Variants in OSBPL10 observed in about 807,000 individuals in gnomAD.
OSBPL10 encodes oxysterol binding protein like 10.
A neutral mutation model predicts 81.7 loss-of-function variants in OSBPL10; 49 were observed. That is an observed-to-expected ratio of 0.60 (90% CI 0.48 to 0.76). The LOEUF (loss-of-function observed/expected upper bound fraction) is 0.76, where lower values mean the gene tolerates loss of function less well. Ranked by LOEUF, OSBPL10 falls within the 30% of genes least tolerant of loss-of-function variation. OSBPL10 has a pLI of 0.00. For missense variants in OSBPL10, 923 were observed against 987.8 expected, an observed-to-expected ratio of 0.93 and a Z score of 0.88; for synonymous variants, 419 against 383.6, an observed-to-expected ratio of 1.09 and a Z score of -1.08.
At chr3:31,662,224 C>A in intron 11 of OSBPL10, 108 bp from the exon 12 acceptor site, 1 of 1,566,296 alleles carries the variant, frequency 6.4e-7, no homozygotes, top group South Asian at 1.2e-5. Context: ...CTTAATACCT[C>A]ACACGCAGGC....
chr3:31,823,868 G>T (rs980919300), intron 4 of OSBPL10, among the ~76,000 whole-genome samples: 8 of 151,780 alleles, frequency 5.3e-5, no homozygotes, highest in African/African-American at 1.7e-4. Context: ...GTGTGTGTGT[G>T]TGAAATGGAG....
intron 2 of OSBPL10, among the ~76,000 whole-genome samples, chr3:32,022,649 G>A (rs1425617530): frequency 1.3e-5 from 2 of 152,002 alleles, no homozygotes; most frequent in Non-Finnish European, 2.9e-5. Flanking sequence ...GTTAGGCATG[G>A]TGGCTGGCAC....
At chr3:31,914,401 A>C (rs1030751304) in intron 1 of OSBPL10, among the ~76,000 whole-genome samples, 1 of 152,124 alleles carries the variant, frequency 6.6e-6, no homozygotes, top group Non-Finnish European at 1.5e-5. Flanking sequence ...GACTTATCAG[A>C]GTCTGTAAAT....
Position 31,690,907 on chromosome 3 carries a change from G to A in OSBPL10, c.1246-6793C>T, listed in dbSNP as rs140510210. Among the ~76,000 whole-genome samples the A allele has an allele frequency of 8.0e-3, 867 of 108,530 alleles. 6 individuals carry two copies. Among genetic ancestry groups the A allele is most frequent in the Non-Finnish European group, 8.9e-3 (447 of 50,124 alleles). 71.2% of individuals were successfully genotyped at this position (108,530 alleles called of 152,430 possible). ...ATTTCTTCCTCTCCTACAATCTCCT[G>A]GGCACCCTCTCCTTTTTTTTTTTTG... On this transcript the variant is annotated intron_variant, in intron 7 of 11. Transcript: ENST00000396556.
chr3:31,870,874 T>C (rs892557937), intron 3 of OSBPL10, among the ~76,000 whole-genome samples: 1 of 152,102 alleles, frequency 6.6e-6, no homozygotes, highest in Non-Finnish European at 1.5e-5. Context: ...GGTTTGTGAG[T>C]ACACCAATCG....
At chr3:31,943,101 C>A (rs967435566) in intron 1 of OSBPL10, among the ~76,000 whole-genome samples, 5 of 152,168 alleles carry the variant, frequency 3.3e-5, no homozygotes, top group African/African-American at 1.2e-4. Flanking sequence ...GGGAAGCATA[C>A]AATATTTGTC....
chr3:31,761,821 A>ACAAAAAAAAC (rs1698052171), intron 4 of OSBPL10, among the ~76,000 whole-genome samples: 1 of 138,024 alleles, frequency 7.2e-6, no homozygotes, highest in Non-Finnish European at 1.5e-5. Flanking sequence ...TCTAAAAAAA[A>ACAAAAAAAAC]AAAAAAAAAA....
At chr3:32,048,679 C>T (rs1370020251) in intron 1 of OSBPL10, among the ~76,000 whole-genome samples, 1 of 152,092 alleles carries the variant, frequency 6.6e-6, no homozygotes, top group East Asian at 1.9e-4. Context: ...CATCCAACTA[C>T]CAGCTGGTCA....
rs2125443129 is a variant in OSBPL10 at position 32,062,898 on chromosome 3, A to C, written n.185+14498T>G. Among the ~76,000 whole-genome samples the C allele has an allele frequency of 2.1e-5, 2 of 94,978 alleles. 1 individual carries two copies. Among genetic ancestry groups the C allele is most frequent in the South Asian group, 8.0e-4 (2 of 2,504 alleles). The allele number at this position is 94,978 out of a possible 152,430, so 62.3% of individuals were successfully genotyped here. On this transcript the variant is annotated intron_variant and non_coding_transcript_variant, in intron 1 of 3. Coordinates refer to the OSBPL10 transcript ENST00000479173. ...TGTTTCAGAGGTACGCAAGATAATC[A>C]ATCCTTTAAAATAGAAAGTCTTCCT...
At chr3:32,055,833 A>G (rs908794138) in intron 1 of OSBPL10, among the ~76,000 whole-genome samples, 1 of 152,200 alleles carries the variant, frequency 6.6e-6, no homozygotes, top group Non-Finnish European at 1.5e-5. Context: ...GCCACTTCTG[A>G]CAGGCCCAGG....
At position 31,797,857 on chromosome 3, in the gene OSBPL10, TG is replaced by T. The variant is rs548715077; in HGVS notation, c.729+32182del. ...AAGCCTTCACCTATAAAAATGGGGA[TG>T]GGGGGGTGAATGTTAGATAAAATAG... On this transcript the variant is annotated intron_variant, in intron 4 of 11. Transcript: ENST00000396556. The T allele has an allele frequency of 2.3e-3, 1,025 of 453,232 alleles. 8 individuals carry two copies. The highest frequency in any genetic ancestry group is 0.018 in the African/African-American group (901 of 49,960). The allele number at this position is 453,232 out of a possible 1,614,324, so 28.1% of individuals were successfully genotyped here.
At chr3:32,026,059 A>G (rs370291067) in intron 2 of OSBPL10, among the ~76,000 whole-genome samples, 1 of 87,346 alleles carries the variant, frequency 1.1e-5, no homozygotes, top group Non-Finnish European at 2.6e-5. Flanking sequence ...TAGATAGATG[A>G]TAGATAGATA....
chr3:31,982,760 T>G (rs1279832547), upstream of OSBPL10, among the ~76,000 whole-genome samples: 1 of 152,234 alleles, frequency 6.6e-6, no homozygotes, highest in Non-Finnish European at 1.5e-5. Flanking sequence ...CTTAGTTTTC[T>G]CACTGCAAAA....
chr3:31,755,945 T>C (rs1188605182), intron 4 of OSBPL10, among the ~76,000 whole-genome samples: 1 of 152,220 alleles, frequency 6.6e-6, no homozygotes, highest in Non-Finnish European at 1.5e-5. Context: ...CTACAATCAT[T>C]GCCTTACCAC....
intron 4 of OSBPL10, among the ~76,000 whole-genome samples, chr3:31,760,642 G>A (rs1698006100): frequency 6.6e-6 from 1 of 152,114 alleles, no homozygotes; most frequent in Non-Finnish European, 1.5e-5. Context: ...TGAATCTAGG[G>A]ATGCAGAACC....
At chr3:31,801,193 TTTC>T (rs1699369633) in intron 4 of OSBPL10, among the ~76,000 whole-genome samples, 2 of 152,156 alleles carry the variant, frequency 1.3e-5, no homozygotes, top group South Asian at 4.1e-4. Flanking sequence ...ATAAAGACTC[TTTC>T]TTTAGGCAGA....
At chr3:31,682,252 C>G (rs1358250579) in intron 8 of OSBPL10, among the ~76,000 whole-genome samples, 2 of 152,210 alleles carry the variant, frequency 1.3e-5, no homozygotes, top group East Asian at 3.9e-4. Context: ...ACGGCTGGAG[C>G]AGTCTTGCTG....
At chr3:31,804,568 T>G (rs73059405) in intron 4 of OSBPL10, among the ~76,000 whole-genome samples, 23 of 152,322 alleles carry the variant, frequency 1.5e-4, no homozygotes, top group Non-Finnish European at 2.8e-4. Context: ...AAGCCCTTCA[T>G]TTTAACAACC....
intron 3 of OSBPL10, among the ~76,000 whole-genome samples, chr3:31,832,321 T>C (rs1700265681): frequency 6.6e-6 from 1 of 152,250 alleles, no homozygotes; most frequent in South Asian, 2.1e-4. Context: ...ATTTTTTCAC[T>C]GTCTACTTTT....
Sources: gnomAD v4.1 joint callset for allele counts (sites outside exome capture counted in the v4.1 genomes callset) on GRCh38, gnomAD v4.1.1 for gene constraint, MANE v1.5 for transcripts, NCBI Gene and HGNC (gene_info 2026-07-23, HGNC 2026-07-21) for gene names.